DNAAF5: variants seen among roughly 807,000 people sequenced by gnomAD.
DNAAF5 encodes HEAT repeat containing 2.
Under a neutral mutation model 75.8 loss-of-function variants are expected in DNAAF5, and 64 were observed. The ratio of observed to expected loss-of-function variants is 0.84; its 90% CI spans 0.69 to 1.04. DNAAF5 has a LOEUF of 1.04. Among genes scored for constraint, DNAAF5 ranks in the 50% least tolerant of loss-of-function variants. The pLI is 0.00. For missense variants in DNAAF5, 1,269 were observed against 1,178.5 expected (o/e 1.08, Z -1.12); for synonymous variants, 657 against 557.2 (o/e 1.18, Z -2.52).
rs141887568 is a variant in DNAAF5 at position 756,868 on chromosome 7, C to T, written c.1344C>T (p.Pro448=). 1 of 1,613,886 alleles carries T rather than the reference C, an allele frequency of 6.2e-7. No individual in the cohort carries two copies. Among genetic ancestry groups the T allele is most frequent in the South Asian group, 1.1e-5 (1 of 91,090 alleles). ...TCTTATCGACGCTGAAGAAGACGCC[C>T]TCTGCCTCCGGCCTCCTGGTGCTGG... is the stretch of plus-strand genomic sequence containing the variant. ...KLILSTLKKT[P]SASGLLVLAS... is the part of the protein sequence containing the mutation. The change falls in exon 6 of 13, where the codon CCC becomes CCT. Residue 448 remains proline (P), a synonymous_variant. Coordinates refer to ENST00000297440, the MANE Select transcript of DNAAF5 (RefSeq NM_017802.4).
At chr7:745,716 A>G (rs1211890185) in intron 4 of DNAAF5, among the ~76,000 whole-genome samples, 2 of 152,090 alleles carry the variant, frequency 1.3e-5, no homozygotes, top group East Asian at 1.9e-4. Flanking sequence ...CATGCATATC[A>G]CACGTACGTG....
intron 2 of DNAAF5, among the ~76,000 whole-genome samples, chr7:730,579 G>A (rs957597683): frequency 1.3e-5 from 2 of 152,180 alleles, no homozygotes; most frequent in Non-Finnish European, 2.9e-5. Flanking sequence ...AGAGTCACTC[G>A]GGGTATTCTG....
intron 5 of DNAAF5, among the ~76,000 whole-genome samples, 190 bp downstream of exon 5, chr7:755,011 G>T (rs1164363421): frequency 1.3e-5 from 2 of 152,206 alleles, no homozygotes; most frequent in African/African-American, 4.8e-5. Flanking sequence ...AGGTAACAGC[G>T]TGTTGAGGGT....
intron 4 of DNAAF5, among the ~76,000 whole-genome samples, chr7:745,865 A>G (rs1782083909): frequency 6.6e-6 from 1 of 152,226 alleles, no homozygotes; most frequent in Admixed American, 6.5e-5. Context: ...CTGATTTAGA[A>G]TTGGTTCAAG....
chr7:784,083 G>T (rs1779071918), intron 12 of DNAAF5, among the ~76,000 whole-genome samples: 1 of 141,432 alleles, frequency 7.1e-6, no homozygotes, highest in South Asian at 2.3e-4. Context: ...GAAGCAGCCC[G>T]CCTTACCCCT....
intron 8 of DNAAF5, among the ~76,000 whole-genome samples, chr7:767,812 C>T (rs1355064969): frequency 2.9e-4 from 40 of 137,372 alleles, no homozygotes; most frequent in Admixed American, 2.8e-3. Context: ...GCTGGGAGGG[C>T]AGACACGTGG....
At chr7:735,629 T>A (rs1781720713) in intron 2 of DNAAF5, among the ~76,000 whole-genome samples, 1 of 152,242 alleles carries the variant, frequency 6.6e-6, no homozygotes, top group Non-Finnish European at 1.5e-5. Context: ...TTCTGTAGTA[T>A]CAGTTGTTTG....
rs765987064 is a variant in DNAAF5, at chr7:769,255, C to CCCGGGG, written c.1784-1213_1784-1208dup. The CCCGGGG allele has an allele frequency of 2.6e-5, 19 of 733,080 alleles. No individual in the cohort carries two copies. The South Asian group carries it at 2.6e-4, about 10-fold the overall frequency. The allele number at this position is 733,080 out of a possible 1,614,324, so 45.4% of individuals were successfully genotyped here. Reference sequence around the variant, plus strand: ...CCAGTGGACGCTCCCTCTACACTGGCCCGGGGCCAGAGCGCCTCCTTCTGC... The same window carrying CCCGGGG: ...CCAGTGGACGCTCCCTCTACACTGGCCCGGGGCCGGGGCCAGAGCGCCTCCTTCTGC... On this transcript the variant is annotated intron_variant, in intron 8 of 12. Transcript: ENST00000297440.
chr7:728,408 C>T (rs980987444), intron 1 of DNAAF5, among the ~76,000 whole-genome samples: 6 of 152,124 alleles, frequency 3.9e-5, no homozygotes, highest in African/African-American at 1.4e-4. Context: ...GTGATAGACC[C>T]GAGTTCAGGT....
chr7:740,318 C>A (rs1173391890), intron 2 of DNAAF5, among the ~76,000 whole-genome samples: 1 of 152,236 alleles, frequency 6.6e-6, no homozygotes, highest in African/African-American at 2.4e-5. Context: ...GAACTGGGGA[C>A]CCTACTGGTT....
chr7:771,072 T>G (rs549076880), intron 9 of DNAAF5: 1 of 155,036 alleles, frequency 6.5e-6, no homozygotes, highest in South Asian at 2.0e-4. Flanking sequence ...TAACTGTTAA[T>G]GGCTTATGTA....
At chr7:781,480 G>C (rs1338433284) in intron 12 of DNAAF5, among the ~76,000 whole-genome samples, 1 of 152,184 alleles carries the variant, frequency 6.6e-6, no homozygotes, top group Non-Finnish European at 1.5e-5. Flanking sequence ...GGCATTCGGC[G>C]TGCGCGTGCA....
At chr7:745,407 C>G (rs1284284613) in intron 4 of DNAAF5, among the ~76,000 whole-genome samples, 2 of 149,170 alleles carry the variant, frequency 1.3e-5, no homozygotes, top group Non-Finnish European at 3.0e-5. Flanking sequence ...AGGGAGAAGA[C>G]AGAGCGAGGC....
At chr7:781,697 T>C (rs1041395317) in intron 12 of DNAAF5, among the ~76,000 whole-genome samples, 1 of 152,198 alleles carries the variant, frequency 6.6e-6, no homozygotes, top group Non-Finnish European at 1.5e-5. Flanking sequence ...TTAACTGGGG[T>C]CAGAGGATGT....
chr7:740,911 CAGT>C lies in DNAAF5; in HGVS notation c.876_878del (p.Ser293del), dbSNP rs1781886938. The C allele has an allele frequency of 1.2e-6, 2 of 1,613,820 alleles. No individual in the cohort carries two copies. Among genetic ancestry groups the C allele is most frequent in the South Asian group, 1.1e-5 (1 of 91,090 alleles). ...TCCACAAGCTCATCCCTCTGCTGCT[CAGT>C]AGCCTCAACGACGAGGTGCCTGAGG... On this transcript the variant is annotated inframe_deletion, in exon 3 of 13. Transcript: ENST00000297440.
chr7:763,916 TG>T lies in DNAAF5; in HGVS notation c.1726del (p.Asp576ThrfsTer34). On this transcript the variant is annotated frameshift_variant, in exon 8 of 13. Transcript: ENST00000297440. LOFTEE classifies it high-confidence loss of function. The part of the protein sequence containing the change: ...LLERVTASHL[D>X]WTAHSPELLQ... The stretch of plus-strand genomic sequence containing the variant: ...TGGAGCGGGTGACCGCGTCGCACCT[TG>T]ACTGGACCGCACACTCGCCGGAGCT... 2 of 1,611,296 alleles carry T rather than the reference TG, an allele frequency of 1.2e-6. No homozygotes were observed. Among genetic ancestry groups the T allele is most frequent in the Non-Finnish European group, 1.7e-6 (2 of 1,180,020 alleles).
chr7:751,203 A>T (rs1779317612), intron 4 of DNAAF5, among the ~76,000 whole-genome samples: 1 of 152,078 alleles, frequency 6.6e-6, no homozygotes, highest in African/African-American at 2.4e-5. Context: ...GTTTTTTACA[A>T]AATGATGACA....
intron 2 of DNAAF5, among the ~76,000 whole-genome samples, chr7:736,070 A>G (rs1326667209): frequency 6.6e-6 from 1 of 152,132 alleles, no homozygotes; most frequent in Non-Finnish European, 1.5e-5. Flanking sequence ...GTAGTTTCCA[A>G]AGTTCTTGTT....
chr7:757,916 C>T (rs1227527730), intron 6 of DNAAF5, among the ~76,000 whole-genome samples: 3 of 152,360 alleles, frequency 2.0e-5, no homozygotes, highest in East Asian at 3.9e-4. Flanking sequence ...GCTCTCAGCC[C>T]GGCCTGTCCT....
Sources: allele counts gnomAD v4.1 joint callset (sites outside exome capture counted in the v4.1 genomes callset), GRCh38; gene constraint gnomAD v4.1.1; transcripts MANE v1.5; gene names NCBI Gene and HGNC (gene_info 2026-07-23, HGNC 2026-07-21).